Variants in NFIB observed in about 807,000 individuals in gnomAD.
The protein encoded by NFIB is nuclear factor 1 B-type.
In NFIB, 11 loss-of-function variants were observed where a neutral mutation model predicts 61.5. That is an observed-to-expected ratio of 0.18 (90% CI 0.11 to 0.30). The LOEUF is 0.30. Among genes scored for constraint, NFIB ranks in the 10% least tolerant of loss-of-function variants. The pLI, the probability that NFIB is intolerant of heterozygous loss-of-function variation, is 1.00. For synonymous variants in NFIB, 260 were observed against 216.5 expected (o/e 1.20, Z -1.76); for missense variants, 471 against 608.9 (o/e 0.77, Z 2.38).
chr9:14,437,103 T>G, the NFIB span, among the ~76,000 whole-genome samples: 1 of 152,196 alleles, frequency 6.6e-6, no homozygotes, highest in African/African-American at 2.4e-5. Context: ...TCACTTGACC[T>G]CTCTGTGTCT....
chr9:14,196,537 AAT>A (rs2048489453), intron 2 of NFIB, among the ~76,000 whole-genome samples: 1 of 152,070 alleles, frequency 6.6e-6, no homozygotes, highest in Non-Finnish European at 1.5e-5. Flanking sequence ...GCTACACCAA[AAT>A]ATACCACCTT....
intron 2 of NFIB, among the ~76,000 whole-genome samples, chr9:14,207,034 T>C (rs1461936764): frequency 6.6e-6 from 1 of 152,206 alleles, no homozygotes; most frequent in Non-Finnish European, 1.5e-5. Flanking sequence ...AAAATAATAG[T>C]AAGGCTAACA....
At chr9:14,531,687 TAA>T in the NFIB span, among the ~76,000 whole-genome samples, 97 of 144,446 alleles carry the variant, frequency 6.7e-4, 1 homozygote, top group Admixed American at 1.3e-3. Context: ...CATTTTTCTT[TAA>T]AAAAAAAAAA....
At chr9:14,241,593 C>T (rs888421793) in intron 2 of NFIB, among the ~76,000 whole-genome samples, 2 of 152,056 alleles carry the variant, frequency 1.3e-5, no homozygotes, top group African/African-American at 4.8e-5. Context: ...CAACATATCT[C>T]ATAGTTGTTC....
At chr9:14,396,246 C>T (rs979254557) in intron 1 of NFIB, among the ~76,000 whole-genome samples, 1 of 151,172 alleles carries the variant, frequency 6.6e-6, no homozygotes, top group African/African-American at 2.4e-5. Flanking sequence ...TTTGGGACAA[C>T]GAACAGGCAC....
At chr9:14,169,595 C>T (rs976563422) in intron 3 of NFIB, among the ~76,000 whole-genome samples, 4 of 152,184 alleles carry the variant, frequency 2.6e-5, no homozygotes, top group Non-Finnish European at 5.9e-5. Flanking sequence ...CCAGGGTGGG[C>T]GGATCACATG....
chr9:14,135,363 T>C (rs1327050903), intron 6 of NFIB, among the ~76,000 whole-genome samples: 1 of 152,226 alleles, frequency 6.6e-6, no homozygotes, highest in Non-Finnish European at 1.5e-5. Context: ...GTACTGGATA[T>C]TGCAAAACTG....
chr9:14,419,196 A>G, the NFIB span, among the ~76,000 whole-genome samples: 6 of 151,676 alleles, frequency 4.0e-5, no homozygotes, highest in African/African-American at 1.5e-4. Flanking sequence ...TATGGAAAAA[A>G]TCCTTTCAAA....
rs2038785768 is a variant in NFIB at position 14,120,566 on chromosome 9, G to A, written c.1119C>T (p.Ile373=). The A allele has an allele frequency of 6.2e-7, 1 of 1,613,832 alleles. No individual in the cohort carries two copies. Among genetic ancestry groups the A allele is most frequent in the South Asian group, 1.1e-5 (1 of 90,996 alleles). ...AGTAGCTCGATGGGGCTGGAGGAAG[G>A]ATAGCTTGTGTTGGAAATGGCAACG... The part of the protein sequence containing the change: ...PSPLPFPTQA[I]LPPAPSSYFS... Residue 373 remains isoleucine (I), a synonymous_variant, in exon 8 of 11, where the codon ATC becomes ATT. Coordinates refer to ENST00000380953, the MANE Select transcript of NFIB (RefSeq NM_001190737.2). This position sits in a 1 kb window ranked among gnomAD's most constrained non-coding sequence, Gnocchi z 4.4.
At chr9:14,449,301 C>A in the NFIB span, among the ~76,000 whole-genome samples, 2 of 152,144 alleles carry the variant, frequency 1.3e-5, no homozygotes, top group Non-Finnish European at 2.9e-5. Context: ...CTTATATGCA[C>A]ATTGGAATCA....
At chr9:14,397,731 T>C (rs1457220151) in intron 1 of NFIB, among the ~76,000 whole-genome samples, 1 of 152,208 alleles carries the variant, frequency 6.6e-6, no homozygotes, top group African/African-American at 2.4e-5. Context: ...TTTACCCCAC[T>C]GAGGTGTTCT....
At chr9:14,460,243 T>C in the NFIB span, among the ~76,000 whole-genome samples, 33,934 of 151,912 alleles carry the variant, frequency 0.22, 4,036 homozygotes, top group East Asian at 0.33. Context: ...CTGGAAACCA[T>C]GATTCTCAGC....
the NFIB span, among the ~76,000 whole-genome samples, chr9:14,527,231 T>C: frequency 6.6e-6 from 1 of 152,182 alleles, no homozygotes; most frequent in South Asian, 2.1e-4. Flanking sequence ...CAAAATTTGA[T>C]ATATTAAAAA....
the NFIB span, among the ~76,000 whole-genome samples, chr9:14,526,333 A>C: frequency 6.6e-6 from 1 of 152,232 alleles, no homozygotes; most frequent in African/African-American, 2.4e-5. Context: ...TTTATAAAGC[A>C]TGCTTAGTGT....
At chr9:14,206,710 A>C (rs1019725386) in intron 2 of NFIB, among the ~76,000 whole-genome samples, 2 of 151,618 alleles carry the variant, frequency 1.3e-5, no homozygotes, top group African/African-American at 4.8e-5. Flanking sequence ...AAAAAAAAAA[A>C]AAAAAAAAAA....
intron 2 of NFIB, among the ~76,000 whole-genome samples, chr9:14,191,526 A>C (rs1260720395): frequency 6.6e-6 from 1 of 152,178 alleles, no homozygotes; most frequent in African/African-American, 2.4e-5. Flanking sequence ...AGAGCTATGT[A>C]CCAGGTGCTC....
chr9:14,493,609 C>T, the NFIB span, among the ~76,000 whole-genome samples: 19 of 152,110 alleles, frequency 1.2e-4, no homozygotes, highest in Admixed American at 2.0e-4. Flanking sequence ...ATGCTAAGAA[C>T]GGATACCTTG....
chr9:14,487,682 T>C, the NFIB span, among the ~76,000 whole-genome samples: 2 of 152,322 alleles, frequency 1.3e-5, no homozygotes, highest in Admixed American at 6.5e-5. Context: ...CTAGATTTCT[T>C]CCTTCCTTCT....
intron 2 of NFIB, among the ~76,000 whole-genome samples, chr9:14,218,895 T>C (rs1249015164): frequency 6.6e-6 from 1 of 152,220 alleles, no homozygotes; most frequent in Non-Finnish European, 1.5e-5. Context: ...CCTATTTGTT[T>C]ACCTTACTCT....
Sources: gnomAD v4.1 joint callset for allele counts (sites outside exome capture counted in the v4.1 genomes callset) on GRCh38, gnomAD v4.1.1 for gene constraint, Gnocchi (gnomAD v3.1) non-coding constraint, MANE v1.5 for transcripts, NCBI Gene and HGNC (gene_info 2026-07-23, HGNC 2026-07-21) for gene names.